Variants in DNMT3A observed in about 807,000 individuals in gnomAD.
DNMT3A encodes the protein DNA (cytosine-5)-methyltransferase 3A.
Under a neutral mutation model 117.6 loss-of-function variants are expected in DNMT3A, and 267 were observed. The observed-to-expected ratio is 2.27, with a 90% CI of 2.05 to 2.51. The LOEUF (loss-of-function observed/expected upper bound fraction) is 2.51. Ranked by LOEUF, DNMT3A falls within the 30% of genes most tolerant of loss-of-function variation. DNMT3A has a pLI of 0.00. For missense variants in DNMT3A, 1,029 were observed against 1,260.2 expected, an observed-to-expected ratio of 0.82 and a Z score of 2.78; for synonymous variants, 432 against 474.8, an observed-to-expected ratio of 0.91 and a Z score of 1.17.
intron 9 of DNMT3A, 136 bp from the exon 10 acceptor site, chr2:25,246,912 G>C: frequency 1.3e-6 from 2 of 1,485,360 alleles, no homozygotes; most frequent in Non-Finnish European, 1.8e-6. Flanking sequence ...AGCGGGATGT[G>C]CATACGGGCG....
At chr2:25,310,622 C>T (rs1010621956) in intron 2 of DNMT3A, among the ~76,000 whole-genome samples, 1 of 152,158 alleles carries the variant, frequency 6.6e-6, no homozygotes, top group Non-Finnish European at 1.5e-5. Context: ...GTGGGAGGGT[C>T]TTGGCTACTC....
chr2:25,317,907 G>T (rs191719434), intron 1 of DNMT3A, among the ~76,000 whole-genome samples: 1 of 152,138 alleles, frequency 6.6e-6, no homozygotes, highest in Non-Finnish European at 1.5e-5. Flanking sequence ...GGCTAATTTT[G>T]TACTTTTAGT....
Position 25,247,623 on chromosome 2 carries a change from C to G in DNMT3A, c.982G>C (p.Val328Leu). ...RSRAAEGTRW[V>L]MWFGDGKFSV... The stretch of plus-strand genomic sequence containing the variant: ...AATTTGCCGTCTCCGAACCACATGA[C>G]CCAGCGGGTGCCTTCAGCTGCTCGG... The change falls in exon 8 of 23, where the codon GTC becomes CTC. Residue 328 changes from valine (V) to leucine (L), a missense_variant. By Grantham distance (32) the Val-to-Leu change is conservative. Coordinates refer to ENST00000321117, the MANE Select transcript of DNMT3A (RefSeq NM_022552.5). This position sits in a 1 kb window ranked among gnomAD's most constrained non-coding sequence, Gnocchi z 5.6. 1.9e-6 allele frequency: 3 copies of G among 1,614,154 alleles called. No homozygotes were observed. Among genetic ancestry groups the G allele is most frequent in the Non-Finnish European group, 2.5e-6 (3 of 1,180,020 alleles).
chr2:25,282,044 G>T lies in DNMT3A; in HGVS notation c.448+397C>A, dbSNP rs756370885. 2.6e-6 allele frequency: 3 copies of T among 1,160,082 alleles called. No individual in the cohort carries two copies. Among genetic ancestry groups the T allele is most frequent in the Non-Finnish European group, 3.2e-6 (3 of 935,890 alleles). The allele number at this position is 1,160,082 out of a possible 1,614,324, so 71.9% of individuals were successfully genotyped here. On this transcript the variant is annotated intron_variant, in intron 4 of 22. Transcript: ENST00000321117. The surrounding 1 kb of genome is among the most constrained non-coding windows in gnomAD (Gnocchi z 5.2). ...TGGGAGAGTAAGCAGGCCAGGTAGA[G>T]CTGCAGAAAACTAAGGCCCACAACC...
In DNMT3A at chr2:25,247,021, C is replaced by T. The variant is rs773996097; in HGVS notation, c.1122+30G>A. On this transcript the variant is annotated intron_variant, in intron 9 of 22. Coordinates refer to ENST00000321117, the MANE Select transcript of DNMT3A (RefSeq NM_022552.5). This position sits in a 1 kb window ranked among gnomAD's most constrained non-coding sequence, Gnocchi z 5.6. ...CCAGGCCTCCTAGTGCTCTAGGCTC[C>T]TCCTCCGAGCTCCCAGCAGGGACAC... 9 of 1,604,944 alleles carry T rather than the reference C, an allele frequency of 5.6e-6. No individual in the cohort carries two copies. The highest frequency in any genetic ancestry group is 7.7e-6 in the Non-Finnish European group (9 of 1,175,342).
Position 25,237,280 on chromosome 2 carries a change from G to A in DNMT3A, c.2409-275C>T, listed in dbSNP as rs984042675. ...ATTGTGAACAGGCAGATAACACCTAGCAGAAAAAGAAAAAAAAAGCACAGC... is the reference window on the plus strand; with the variant it reads ...ATTGTGAACAGGCAGATAACACCTAACAGAAAAAGAAAAAAAAAGCACAGC... On this transcript the variant is annotated intron_variant, in intron 20 of 22. Coordinates refer to ENST00000321117, the MANE Select transcript of DNMT3A (RefSeq NM_022552.5). The surrounding 1 kb of genome is among the most constrained non-coding windows in gnomAD (Gnocchi z 5.4). 2.1e-4 allele frequency among the ~76,000 whole-genome samples: 32 copies of A among 152,068 alleles called. No individual in the cohort carries two copies. Among genetic ancestry groups the A allele is most frequent in the Non-Finnish European group, 8.8e-5 (6 of 68,016 alleles).
chr2:25,295,001 G>T (rs1271441380), intron 3 of DNMT3A, among the ~76,000 whole-genome samples: 1 of 152,178 alleles, frequency 6.6e-6, no homozygotes, highest in Non-Finnish European at 1.5e-5. Flanking sequence ...GAATAAATAC[G>T]CATCGCTAGT....
Position 25,240,403 on chromosome 2 carries a change from C to CTG in DNMT3A, c.2220_2221insCA (p.Ala741GlnfsTer39). ...CGATCATCTCCCTCCTTGGGCCGCGCATCATGCAGGAGGCGGTAGAACTCA... is the reference window on the plus strand; with the variant it reads ...CGATCATCTCCCTCCTTGGGCCGCGCTGATCATGCAGGAGGCGGTAGAACTCA... On this transcript the variant is annotated frameshift_variant, in exon 19 of 23. Coordinates refer to ENST00000321117, the MANE Select transcript of DNMT3A (RefSeq NM_022552.5). LOFTEE classifies it high-confidence loss of function. The CTG allele has an allele frequency of 6.2e-7, 1 of 1,613,782 alleles. No homozygotes were observed. The highest frequency in any genetic ancestry group is 8.5e-7 in the Non-Finnish European group (1 of 1,179,840).
rs1672894111 is a variant in DNMT3A, at chr2:25,231,764, A to T, written c.*2515T>A. The T allele has an allele frequency of 6.6e-6, 1 of 152,158 alleles. No homozygotes were observed. The highest frequency in any genetic ancestry group is 6.5e-5 in the Admixed American group (1 of 15,268). 9.4% of individuals were successfully genotyped at this position (152,158 alleles called of 1,614,324 possible). A position where few individuals can be genotyped will look rare whatever the true frequency, so the allele number is the denominator to read the frequency against. Reference sequence around the variant, plus strand: ...ACATCACCAGGGGCAAAAGAGATAGAACACTACCTGCTAGAGGAGAGCACC... The same window carrying T: ...ACATCACCAGGGGCAAAAGAGATAGTACACTACCTGCTAGAGGAGAGCACC... On this transcript the variant is annotated 3_prime_UTR_variant, in exon 23 of 23. Transcript: ENST00000321117.
At chr2:25,287,731 C>CG (rs2032418129) in intron 3 of DNMT3A, among the ~76,000 whole-genome samples, 1 of 150,812 alleles carries the variant, frequency 6.6e-6, no homozygotes, top group Non-Finnish European at 1.5e-5. Context: ...CAGAGGACAC[C>CG]CCCGCCCCCA....
intron 3 of DNMT3A, 27 bp downstream of exon 3, chr2:25,300,112 G>A: frequency 6.2e-7 from 1 of 1,608,424 alleles, no homozygotes; most frequent in Admixed American, 1.7e-5. Flanking sequence ...TGTGTGCACA[G>A]GAGGGTGTGT....
intron 6 of DNMT3A, among the ~76,000 whole-genome samples, chr2:25,265,291 G>GCCGGAAAT (rs2030215348): frequency 6.6e-6 from 1 of 152,200 alleles, no homozygotes; most frequent in South Asian, 2.1e-4. Context: ...AGGCTGGAAA[G>GCCGGAAAT]CCGGGCCAGC....
intron 2 of DNMT3A, among the ~76,000 whole-genome samples, chr2:25,313,399 T>A (rs1451958459): frequency 6.6e-6 from 1 of 152,136 alleles, no homozygotes. Context: ...CAAAGTGTGC[T>A]GGCGCCACAC....
rs1676248488 is a variant in DNMT3A, at chr2:25,257,381, C to A, written c.640-9129G>T. Among the ~76,000 whole-genome samples, 1 of 152,162 alleles carries A rather than the reference C, an allele frequency of 6.6e-6. No individual in the cohort carries two copies. The highest frequency in any genetic ancestry group is 1.5e-5 in the Non-Finnish European group (1 of 68,028). ...CCTCAGTAACCCATCTCCATGGAAA[C>A]CACCAGGACTGGGGTGAAGTACCAG... On this transcript the variant is annotated intron_variant, in intron 6 of 22. Transcript: ENST00000321117. This position sits in a 1 kb window ranked among gnomAD's most constrained non-coding sequence, Gnocchi z 4.8.
At chr2:25,267,652 A>C (rs1306943194) in intron 6 of DNMT3A, among the ~76,000 whole-genome samples, 1 of 152,232 alleles carries the variant, frequency 6.6e-6, no homozygotes, top group Non-Finnish European at 1.5e-5. Flanking sequence ...GTAATTTAAA[A>C]TACTTTCTAA....
chr2:25,288,483 T>C (rs1380051892), intron 3 of DNMT3A, among the ~76,000 whole-genome samples: 1 of 152,052 alleles, frequency 6.6e-6, no homozygotes, highest in Non-Finnish European at 1.5e-5. Context: ...GGCTAACTTT[T>C]GTATTTTTAG....
chr2:25,241,511 C>A (rs2149277097), intron 17 of DNMT3A, 51 bp downstream of exon 17: 1 of 1,569,606 alleles, frequency 6.4e-7, no homozygotes, highest in Non-Finnish European at 8.6e-7. Flanking sequence ...CCTCCAGGTG[C>A]TGAGTGTGCA....
chr2:25,339,041 C>T lies in DNMT3A; in HGVS notation c.-178+2785G>A, dbSNP rs1028676142. Among the ~76,000 whole-genome samples the T allele has an allele frequency of 6.6e-6, 1 of 152,090 alleles. No homozygotes were observed. Among genetic ancestry groups the T allele is most frequent in the African/African-American group, 2.4e-5 (1 of 41,400 alleles). ...TCGGACGTGACCAACCCGTCTCTTG[C>T]AGGGACCCTCCTCACACTGCCTCTC... On this transcript the variant is annotated intron_variant, in intron 1 of 22. Coordinates refer to ENST00000321117, the MANE Select transcript of DNMT3A (RefSeq NM_022552.5). This position sits in a 1 kb window ranked among gnomAD's most constrained non-coding sequence, Gnocchi z 4.9.
intron 3 of DNMT3A, among the ~76,000 whole-genome samples, chr2:25,292,258 G>A (rs899512245): frequency 2.0e-5 from 3 of 152,124 alleles, no homozygotes; most frequent in Non-Finnish European, 4.4e-5. Flanking sequence ...ACTGAGACAG[G>A]AGAATTGTTT....
Sources: allele counts gnomAD v4.1 joint callset (sites outside exome capture counted in the v4.1 genomes callset), GRCh38; gene constraint gnomAD v4.1.1; non-coding constraint Gnocchi (gnomAD v3.1); transcripts MANE v1.5; gene names NCBI Gene and HGNC (gene_info 2026-07-23, HGNC 2026-07-21).